EPB41L2: variants seen among roughly 807,000 people sequenced by gnomAD.
EPB41L2 encodes erythrocyte membrane protein band 4.1 like 2.
Under a neutral mutation model 113.0 loss-of-function variants are expected in EPB41L2, and 43 were observed. The observed-to-expected ratio is 0.38, with a 90% CI of 0.30 to 0.49. The LOEUF is 0.49. Among genes scored for constraint, EPB41L2 ranks in the 20% least tolerant of loss-of-function variants. The pLI, the probability that EPB41L2 is intolerant of heterozygous loss-of-function variation, is 0.95. For synonymous variants in EPB41L2, 442 were observed against 436.7 expected (o/e 1.01, Z -0.15); for missense variants, 1,147 against 1,223.4 (o/e 0.94, Z 0.93).
intron 1 of EPB41L2, among the ~76,000 whole-genome samples, chr6:130,958,522 G>A (rs1818291876): frequency 6.7e-6 from 1 of 150,202 alleles, no homozygotes. Flanking sequence ...GAGAAGAAGA[G>A]GGTCACCAGG....
At chr6:130,921,966 A>T (rs1803010343) in intron 4 of EPB41L2, among the ~76,000 whole-genome samples, 1 of 152,200 alleles carries the variant, frequency 6.6e-6, no homozygotes, top group African/African-American at 2.4e-5. Flanking sequence ...ATCCTTCAAC[A>T]TCCTATATGT....
At chr6:131,047,631 T>C (rs1456518242) in intron 1 of EPB41L2, among the ~76,000 whole-genome samples, 1 of 152,194 alleles carries the variant, frequency 6.6e-6, no homozygotes, top group African/African-American at 2.4e-5. Context: ...TCTAAATTAG[T>C]GTATCATCAA....
At chr6:130,841,321 G>C (rs1192422872) in intron 19 of EPB41L2, among the ~76,000 whole-genome samples, 2 of 152,144 alleles carry the variant, frequency 1.3e-5, no homozygotes, top group African/African-American at 4.8e-5. Context: ...GCCACAGAGA[G>C]ATAGAAGACT....
chr6:130,867,701 A>C, intron 15 of EPB41L2, 120 bp from the exon 16 acceptor site: 1 of 1,320,668 alleles, frequency 7.6e-7, no homozygotes, highest in Non-Finnish European at 1.1e-6. Context: ...CACAAAAGAA[A>C]AGAGTAAAAG....
chr6:130,986,328 G>T (rs1371256937), intron 1 of EPB41L2, among the ~76,000 whole-genome samples: 1 of 151,870 alleles, frequency 6.6e-6, no homozygotes, highest in Non-Finnish European at 1.5e-5. Flanking sequence ...ATATACAAAT[G>T]GCCAATCATA....
chr6:130,996,931 C>G (rs893152633), intron 1 of EPB41L2, among the ~76,000 whole-genome samples: 2 of 152,118 alleles, frequency 1.3e-5, no homozygotes, highest in African/African-American at 4.8e-5. Context: ...AGGGTTTTCT[C>G]CCTTTAACTC....
At chr6:131,011,185 G>T (rs904239623) in intron 1 of EPB41L2, among the ~76,000 whole-genome samples, 6 of 152,212 alleles carry the variant, frequency 3.9e-5, no homozygotes, top group Admixed American at 3.9e-4. Flanking sequence ...AATCCATTCT[G>T]AGAACTATCT....
chr6:130,982,201 T>C (rs1360464264), intron 1 of EPB41L2, among the ~76,000 whole-genome samples: 2 of 152,172 alleles, frequency 1.3e-5, no homozygotes, highest in African/African-American at 4.8e-5. Context: ...TTTGTGATGC[T>C]TTCAATACTG....
chr6:130,867,215 T>C (rs1201183067), intron 16 of EPB41L2, among the ~76,000 whole-genome samples: 1 of 152,236 alleles, frequency 6.6e-6, no homozygotes, highest in Non-Finnish European at 1.5e-5. Flanking sequence ...AGATTGATAC[T>C]GTCTGTCCTA....
At chr6:131,048,751 A>C (rs1426367581) in intron 1 of EPB41L2, among the ~76,000 whole-genome samples, 1 of 152,228 alleles carries the variant, frequency 6.6e-6, no homozygotes, top group Non-Finnish European at 1.5e-5. Context: ...GAATATATTG[A>C]AAATTTTCCA....
intron 1 of EPB41L2, chr6:131,062,230 G>A (rs564847839): frequency 2.0e-5 from 3 of 151,910 alleles, no homozygotes; most frequent in East Asian, 1.9e-4. Flanking sequence ...CCTCAGGGGA[G>A]GTGAGCGATC....
chr6:130,985,306 T>C (rs1452786019), intron 1 of EPB41L2, among the ~76,000 whole-genome samples: 1 of 152,110 alleles, frequency 6.6e-6, no homozygotes, highest in Non-Finnish European at 1.5e-5. Flanking sequence ...GGGGGGGGAC[T>C]TTCCCACCTT....
intron 5 of EPB41L2, among the ~76,000 whole-genome samples, chr6:130,905,292 T>C (rs2128504273): frequency 6.6e-6 from 1 of 152,158 alleles, no homozygotes; most frequent in South Asian, 2.1e-4. Flanking sequence ...AAAGTAAAAC[T>C]ATGGGGGAAA....
chr6:130,881,679 T>C (rs1372474381), intron 12 of EPB41L2: 1 of 152,066 alleles, frequency 6.6e-6, no homozygotes, highest in African/African-American at 2.4e-5. Context: ...TGAAAAAAAT[T>C]TGCCTTATAT....
chr6:130,956,728 C>G (rs1817566092), intron 1 of EPB41L2, among the ~76,000 whole-genome samples: 1 of 152,174 alleles, frequency 6.6e-6, no homozygotes, highest in African/African-American at 2.4e-5. Context: ...CAATAGAACT[C>G]TGTGTGTTCT....
intron 1 of EPB41L2, among the ~76,000 whole-genome samples, chr6:131,062,090 T>C (rs1798771861): frequency 1.3e-5 from 2 of 151,916 alleles, no homozygotes; most frequent in East Asian, 1.9e-4. Flanking sequence ...GGCAATTCAA[T>C]GAAAGACTAC....
chr6:131,045,760 G>A (rs1795322577), intron 1 of EPB41L2, among the ~76,000 whole-genome samples: 1 of 152,068 alleles, frequency 6.6e-6, no homozygotes, highest in Non-Finnish European at 1.5e-5. Flanking sequence ...TATCTGATAA[G>A]CAATCCTTGT....
At chr6:130,872,585 A>G in intron 14 of EPB41L2, 1 of 1,245,644 alleles carries the variant, frequency 8.0e-7, no homozygotes, top group Non-Finnish European at 1.0e-6. Context: ...AATAAGTCAG[A>G]ACAGACAGCA....
At chr6:130,996,123 C>T (rs1783042717) in intron 1 of EPB41L2, among the ~76,000 whole-genome samples, 1 of 152,182 alleles carries the variant, frequency 6.6e-6, no homozygotes, top group African/African-American at 2.4e-5. Context: ...CTCACTTATA[C>T]CCCTTAGTTA....
Sources: allele counts gnomAD v4.1 joint callset (sites outside exome capture counted in the v4.1 genomes callset), GRCh38; gene constraint gnomAD v4.1.1; transcripts MANE v1.5; gene names NCBI Gene and HGNC (gene_info 2026-07-23, HGNC 2026-07-21).